The following ATP8B1 variants were observed in gnomAD, a reference collection of about 807,000 sequenced individuals.
ATP8B1 encodes the protein phospholipid-transporting ATPase IC.
ATP8B1 carries 80 observed loss-of-function variants against 149.9 expected under a neutral mutation model. The observed-to-expected ratio is 0.53, with a 90% CI of 0.45 to 0.64. The LOEUF is 0.64. ATP8B1 is among the 30% of genes least tolerant of loss of function. The probability of loss-of-function intolerance (pLI) is 0.00; values close to 1 mark genes in which losing one functional copy is unlikely to be tolerated. For synonymous variants in ATP8B1, 536 were observed against 562.8 expected, an observed-to-expected ratio of 0.95 and a Z score of 0.67; for missense variants, 1,247 against 1,552.6, an observed-to-expected ratio of 0.80 and a Z score of 3.31.
At chr18:57,694,751 C>A in intron 10 of ATP8B1, 81 bp from the exon 11 acceptor site, 1 of 995,010 alleles carries the variant, frequency 1.0e-6, no homozygotes, top group East Asian at 2.5e-5. Flanking sequence ...TCTTCTTGGC[C>A]AGGCATGGTG....
At position 57,684,123 on chromosome 18, in the gene ATP8B1, G is replaced by T. The variant is rs113299479; in HGVS notation, c.1543C>A (p.Gln515Lys). 1.9e-6 allele frequency: 3 copies of T among 1,614,098 alleles called. No individual in the cohort carries two copies. The highest frequency in any genetic ancestry group is 1.3e-5 in the African/African-American group (1 of 75,030). The change falls in exon 15 of 28, where the codon CAA (glutamine) becomes AAA (lysine). Residue 515 changes from glutamine (Q) to lysine (K), a missense_variant. Coordinates refer to ENST00000648908, the MANE Select transcript of ATP8B1 (RefSeq NM_001374385.1). ...LAFYDHYLIE[Q>K]IQSGKEPEVR... Reference sequence around the variant, plus strand: ...TCTGGCTCTTTCCCTGACTGGATTTGCTCAATAAGATAGTGGTCATAAAAT... The same window carrying T: ...TCTGGCTCTTTCCCTGACTGGATTTTCTCAATAAGATAGTGGTCATAAAAT...
intron 1 of ATP8B1, among the ~76,000 whole-genome samples, chr18:57,769,404 C>T (rs2080246818): frequency 6.6e-6 from 1 of 152,188 alleles, no homozygotes; most frequent in Non-Finnish European, 1.5e-5. Context: ...CGTGCGCCTT[C>T]CCACTCCAAA....
chr18:57,721,417 G>A (rs1230755583), intron 2 of ATP8B1, among the ~76,000 whole-genome samples: 123 of 144,196 alleles, frequency 8.5e-4, no homozygotes, highest in Admixed American at 2.2e-3. Flanking sequence ...CCAAGCAAAT[G>A]GAAAACAAAA....
chr18:57,688,392 C>T lies in ATP8B1; in HGVS notation c.1336G>A (p.Gly446Arg), dbSNP rs1443328607. Residue 446 changes from glycine (G) to arginine (R), a missense_variant, in exon 13 of 28, where the codon GGG becomes AGG. Gly to Arg is a moderately radical substitution (Grantham distance 125, BLOSUM62 -2). Coordinates refer to ENST00000648908, the MANE Select transcript of ATP8B1 (RefSeq NM_001374385.1). ...TCAGAGAAGATATAATGGATCTGCC[C>T]GAGCTGTTCATTGAGTGTGGTGGTT... Reference protein sequence around the residue: ...ARTTTLNEQLGQIHYIFSDKT... With the variant: ...ARTTTLNEQLRQIHYIFSDKT... 9.9e-6 allele frequency: 16 copies of T among 1,614,084 alleles called. No homozygotes were observed. The highest frequency in any genetic ancestry group is 1.4e-5 in the Non-Finnish European group (16 of 1,180,026).
intron 18 of ATP8B1, chr18:57,669,051 A>G: frequency 3.6e-6 from 1 of 275,846 alleles, no homozygotes. Flanking sequence ...TAAAAATTAT[A>G]ATAAATTTTA....
Position 57,662,233 on chromosome 18 carries a change from C to CT in ATP8B1, c.2418+249dup, listed in dbSNP as rs564654534. Among the ~76,000 whole-genome samples the CT allele has an allele frequency of 4.6e-5, 7 of 152,272 alleles. 1 individual carries two copies. In the South Asian group the frequency reaches 1.5e-3, roughly 32 times the overall value. Reference sequence around the variant, plus strand: ...TATATGCAACAAAAATTTAGAAAATCTAACAATCTATAAAGAAGAAAATGA... The same window carrying CT: ...TATATGCAACAAAAATTTAGAAAATCTTAACAATCTATAAAGAAGAAAATGA... On this transcript the variant is annotated intron_variant, in intron 21 of 27. Coordinates refer to ENST00000648908, the MANE Select transcript of ATP8B1 (RefSeq NM_001374385.1).
chr18:57,693,557 A>AC (rs1912650591), intron 11 of ATP8B1, among the ~76,000 whole-genome samples: 2 of 151,976 alleles, frequency 1.3e-5, no homozygotes, highest in African/African-American at 2.4e-5. Context: ...AAAATACAAA[A>AC]ATTAGCCAGG....
chr18:57,773,215 A>AAAG lies in ATP8B1; in HGVS notation c.-26+29782_-26+29783insCTT, dbSNP rs1555655694. 4.6e-5 allele frequency among the ~76,000 whole-genome samples: 7 copies of AAAG among 151,292 alleles called. No homozygotes were observed. In the South Asian group the frequency reaches 6.3e-4, roughly 14 times the overall value. ...AGACTCTGTCTTAAAAAAAAAAAAA[A>AAAG]AAAGAAAAGAAAGAAATGATAACCC... is the stretch of plus-strand genomic sequence containing the variant. On this transcript the variant is annotated intron_variant, in intron 1 of 27. Transcript: ENST00000648908.
At chr18:57,676,188 T>C (rs1051670009) in intron 15 of ATP8B1, among the ~76,000 whole-genome samples, 30 of 152,228 alleles carry the variant, frequency 2.0e-4, no homozygotes, top group Non-Finnish European at 3.2e-4. Context: ...TTTGAGACAG[T>C]CTTACTCTGG....
intron 1 of ATP8B1, among the ~76,000 whole-genome samples, chr18:57,756,236 C>CACACACACACACACATAT: frequency 1.9e-5 from 2 of 106,158 alleles, no homozygotes; most frequent in East Asian, 4.2e-4. Context: ...CACACACACA[C>CACACACACACACACATAT]ATATATACAC....
At chr18:57,768,918 G>A (rs1439592309) in intron 1 of ATP8B1, among the ~76,000 whole-genome samples, 1 of 152,190 alleles carries the variant, frequency 6.6e-6, no homozygotes, top group Non-Finnish European at 1.5e-5. Context: ...CAAATTCAGA[G>A]ATGTTCTTGT....
chr18:57,719,098 A>G (rs2079612221), intron 2 of ATP8B1, among the ~76,000 whole-genome samples: 1 of 152,242 alleles, frequency 6.6e-6, no homozygotes, highest in South Asian at 2.1e-4. Flanking sequence ...TCATATTTGG[A>G]AAAACCTAAA....
chr18:57,697,124 G>T (rs1390221199), intron 8 of ATP8B1, among the ~76,000 whole-genome samples: 1 of 152,092 alleles, frequency 6.6e-6, no homozygotes, highest in Non-Finnish European at 1.5e-5. Flanking sequence ...AGCTGGGTGT[G>T]GGGGCTGGAG....
intron 1 of ATP8B1, among the ~76,000 whole-genome samples, chr18:57,767,210 G>T (rs2080218360): frequency 6.6e-6 from 1 of 152,186 alleles, no homozygotes; most frequent in Non-Finnish European, 1.5e-5. Flanking sequence ...TCAGCTCCGG[G>T]AGAAGGCATA....
At chr18:57,664,491 GTCTT>G (rs1253826169) in intron 20 of ATP8B1, among the ~76,000 whole-genome samples, 3 of 113,624 alleles carry the variant, frequency 2.6e-5, no homozygotes, top group Non-Finnish European at 5.2e-5. Context: ...GGGTGACAGA[GTCTT>G]TCTAAGAAAA....
chr18:57,675,043 A>T (rs1911511139), intron 15 of ATP8B1, 21 bp from the exon 16 acceptor site: 1 of 1,612,436 alleles, frequency 6.2e-7, no homozygotes, highest in Non-Finnish European at 8.5e-7. Context: ...AGCGAGAGAA[A>T]TCCCAGAAAA....
intron 11 of ATP8B1, among the ~76,000 whole-genome samples, chr18:57,692,460 G>A (rs1912587552): frequency 8.7e-6 from 1 of 114,916 alleles, no homozygotes; most frequent in Non-Finnish European, 1.6e-5. Flanking sequence ...TTTTTAGACA[G>A]CGTCTCACTG....
rs114260754 is a variant in ATP8B1 at position 57,652,309 on chromosome 18, C to T, written c.3262-137G>A. 5 of 1,449,580 alleles carry T rather than the reference C, an allele frequency of 3.4e-6. No individual in the cohort carries two copies. In the South Asian group the frequency reaches 6.0e-5, roughly 17 times the overall value. 89.8% of individuals were successfully genotyped at this position (1,449,580 alleles called of 1,614,324 possible). Reference sequence around the variant, plus strand: ...AATACTGGACCAGAAACTAAACCATCCTTGACTCAGGCAAGAAATAGAAAA... The same window carrying T: ...AATACTGGACCAGAAACTAAACCATTCTTGACTCAGGCAAGAAATAGAAAA... On this transcript the variant is annotated intron_variant, in intron 25 of 27. Coordinates refer to ENST00000648908, the MANE Select transcript of ATP8B1 (RefSeq NM_001374385.1).
intron 18 of ATP8B1, 110 bp downstream of exon 18, chr18:57,669,208 T>C (rs1027023511): frequency 1.4e-5 from 17 of 1,181,254 alleles, no homozygotes; most frequent in Non-Finnish European, 2.0e-5. Flanking sequence ...TGTCAAATGC[T>C]GAAGTTACAA....
Sources: allele counts gnomAD v4.1 joint callset (sites outside exome capture counted in the v4.1 genomes callset), GRCh38; gene constraint gnomAD v4.1.1; transcripts MANE v1.5; gene names NCBI Gene and HGNC (gene_info 2026-07-23, HGNC 2026-07-21).